LMNB1: variants seen among roughly 807,000 people sequenced by gnomAD.
LMNB1 encodes the protein lamin-B1.
A neutral mutation model predicts 67.1 loss-of-function variants in LMNB1; 23 were observed. The ratio of observed to expected loss-of-function variants is 0.34; its 90% CI spans 0.25 to 0.49. The LOEUF is 0.49. Ranked by LOEUF, LMNB1 falls within the 20% of genes least tolerant of loss-of-function variation. LMNB1 has a pLI of 0.99. For missense variants in LMNB1, 634 were observed against 746.5 expected (o/e 0.85, Z 1.76); for synonymous variants, 281 against 282.9 (o/e 0.99, Z 0.07).
Position 126,811,865 on chromosome 5 carries a change from C to G in LMNB1, c.906C>G (p.Ser302Arg), listed in dbSNP as rs764400363. The G allele has an allele frequency of 6.2e-7, 1 of 1,612,332 alleles. No homozygotes were observed. Among genetic ancestry groups the G allele is most frequent in the African/African-American group, 1.3e-5 (1 of 74,904 alleles). Residue 302 changes from serine (S) to arginine (R), a missense_variant, in exon 5 of 11, where the codon AGC (serine) becomes AGG (arginine). Transcript: ENST00000261366. Reference protein sequence around the residue: ...ELMESRMRIESLSSQLSNLQK... With the variant: ...ELMESRMRIERLSSQLSNLQK... ...TGGAAAGCCGCATGAGAATTGAGAG[C>G]CTTTCATCCCAGCTTTCTAATCTAC... is the stretch of plus-strand genomic sequence containing the variant.
At chr5:126,784,557 A>G (rs1308995439) in intron 1 of LMNB1, among the ~76,000 whole-genome samples, 3 of 147,240 alleles carry the variant, frequency 2.0e-5, no homozygotes, top group South Asian at 2.2e-4. Flanking sequence ...GGGTTTCACC[A>G]TCTTGCCCAG....
intron 1 of LMNB1, among the ~76,000 whole-genome samples, chr5:126,797,603 A>G (rs1751135328): frequency 6.6e-6 from 1 of 152,194 alleles, no homozygotes; most frequent in South Asian, 2.1e-4. Flanking sequence ...ATGTTTTAGG[A>G]TATCAGTTCT....
Position 126,777,450 on chromosome 5 carries a change from C to T in LMNB1, c.-59C>T. 7.8e-7 allele frequency: 1 copy of T among 1,277,398 alleles called. No individual in the cohort carries two copies. Among genetic ancestry groups the T allele is most frequent in the Non-Finnish European group, 9.8e-7 (1 of 1,015,568 alleles). 79.1% of individuals were successfully genotyped at this position (1,277,398 alleles called of 1,614,324 possible). ...CGGTCCCCGCTTCGCCCCCTGCCGT[C>T]CCCTCCTTATCACGGTCCCGCTCGC... On this transcript the variant is annotated 5_prime_UTR_variant, in exon 1 of 11. Transcript: ENST00000261366.
chr5:126,795,398 A>G (rs1376239158), intron 1 of LMNB1, among the ~76,000 whole-genome samples: 3 of 152,064 alleles, frequency 2.0e-5, no homozygotes. Context: ...TTGGCCTCCC[A>G]AAGTGCTAGG....
In LMNB1 at chr5:126,777,549, G is replaced by T; in HGVS notation, c.41G>T (p.Arg14Leu). 1 of 1,447,672 alleles carries T rather than the reference G, an allele frequency of 6.9e-7. No individual in the cohort carries two copies. Among genetic ancestry groups the T allele is most frequent in the Non-Finnish European group, 9.1e-7 (1 of 1,096,318 alleles). The allele number at this position is 1,447,672 out of a possible 1,614,324, so 89.7% of individuals were successfully genotyped here. The change falls in exon 1 of 11, where the codon CGC (arginine) becomes CTC (leucine). Residue 14 changes from arginine (R) to leucine (L), a missense_variant. Coordinates refer to ENST00000261366, the MANE Select transcript of LMNB1 (RefSeq NM_005573.4). ...ATPVPPRMGS[R>L]AGGPTTPLSP... is the part of the protein sequence containing the mutation. ...CCCGTGCCGCCGCGGATGGGCAGCC[G>T]CGCTGGCGGCCCCACCACGCCGCTG...
intron 1 of LMNB1, among the ~76,000 whole-genome samples, chr5:126,778,692 C>A (rs77703347): frequency 6.6e-6 from 1 of 152,110 alleles, no homozygotes; most frequent in Non-Finnish European, 1.5e-5. Context: ...GTTCTCCTAC[C>A]CCTCAGGCAG....
chr5:126,836,170 A>G, intron 10 of LMNB1, 53 bp from the exon 11 acceptor site: 1 of 1,384,812 alleles, frequency 7.2e-7, no homozygotes, highest in Non-Finnish European at 1.0e-6. Flanking sequence ...TTATTTTAGA[A>G]TACTGTGATC....
At position 126,820,671 on chromosome 5, in the gene LMNB1, G is replaced by A. The variant is rs546087708; in HGVS notation, c.1161-239G>A. On this transcript the variant is annotated intron_variant, in intron 6 of 10. Transcript: ENST00000261366. The stretch of plus-strand genomic sequence containing the variant: ...CTCCTGAGTAGCTAGTATTACAGGC[G>A]CCCACCACCACGCCTGGCTAATTTT... Among the ~76,000 whole-genome samples the A allele has an allele frequency of 3.2e-4, 49 of 151,868 alleles. No homozygotes were observed. In the South Asian group the frequency reaches 9.2e-3, roughly 28 times the overall value.
chr5:126,777,635 C>T lies in LMNB1; in HGVS notation c.127C>T (p.Leu43=), dbSNP rs927349028. ...KEELRELNDR[L]AVYIDKVRSL... ...GGAGCTGCGCGAGCTCAATGACCGGCTGGCGGTGTACATCGACAAGGTGCG... is the reference window on the plus strand; with the variant it reads ...GGAGCTGCGCGAGCTCAATGACCGGTTGGCGGTGTACATCGACAAGGTGCG... Residue 43 remains leucine, a synonymous_variant, in exon 1 of 11, where the codon CTG becomes TTG. Transcript: ENST00000261366. The T allele has an allele frequency of 2.6e-6, 4 of 1,543,122 alleles. No individual in the cohort carries two copies. Among genetic ancestry groups the T allele is most frequent in the Non-Finnish European group, 2.6e-6 (3 of 1,144,258 alleles).
At chr5:126,794,788 A>G (rs947015479) in intron 1 of LMNB1, among the ~76,000 whole-genome samples, 2 of 152,226 alleles carry the variant, frequency 1.3e-5, no homozygotes, top group African/African-American at 2.4e-5. Context: ...AGAATTTTGT[A>G]TAGAATGATT....
intron 9 of LMNB1, among the ~76,000 whole-genome samples, chr5:126,829,923 G>T (rs902921852): frequency 1.3e-5 from 2 of 152,060 alleles, no homozygotes; most frequent in African/African-American, 2.4e-5. Context: ...TAAAAACAGC[G>T]ATTGTCACCA....
chr5:126,804,464 C>A (rs1419999204), intron 1 of LMNB1, among the ~76,000 whole-genome samples: 1 of 152,008 alleles, frequency 6.6e-6, no homozygotes, highest in Non-Finnish European at 1.5e-5. Flanking sequence ...TCAAAAATAT[C>A]CTGTGTTAGT....
At chr5:126,787,546 A>ATTTTTTTTTTTTTTTTTTTTTTT (rs142332901) in intron 1 of LMNB1, among the ~76,000 whole-genome samples, 2 of 65,584 alleles carry the variant, frequency 3.0e-5, no homozygotes, top group Non-Finnish European at 5.5e-5. Context: ...ATATATATAT[A>ATTTTTTTTTTTTTTTTTTTTTTT]TTTTTTTTTT....
At chr5:126,808,947 C>G (rs1751521080) in intron 3 of LMNB1, among the ~76,000 whole-genome samples, 1 of 151,746 alleles carries the variant, frequency 6.6e-6, no homozygotes. Context: ...GCGATCTTGG[C>G]TCACTGCAAC....
At position 126,836,888 on chromosome 5, in the gene LMNB1, A is replaced by AGGG. The variant is rs1752260838; in HGVS notation, c.*625_*627dup. 1 of 29,320 alleles carries AGGG rather than the reference A, an allele frequency of 3.4e-5. No individual in the cohort carries two copies. The allele number at this position is 29,320 out of a possible 1,614,324, so 1.8% of individuals were successfully genotyped here. On this transcript the variant is annotated 3_prime_UTR_variant, in exon 11 of 11. Coordinates refer to ENST00000261366, the MANE Select transcript of LMNB1 (RefSeq NM_005573.4). Reference sequence around the variant, plus strand: ...TCTCTTAGATTCTTAATTCATGAGGAGGGTGGGGGAGGGAGGTGGAGGGAG... The same window carrying AGGG: ...TCTCTTAGATTCTTAATTCATGAGGAGGGGGGTGGGGGAGGGAGGTGGAGGGAG...
At chr5:126,822,965 G>A in intron 8 of LMNB1, 80 bp downstream of exon 8, 1 of 861,468 alleles carries the variant, frequency 1.2e-6, no homozygotes, top group Middle Eastern at 2.9e-4. Context: ...TTGGCTAAAA[G>A]AGAAGCATTT....
chr5:126,799,043 G>A (rs1399676297), intron 1 of LMNB1, among the ~76,000 whole-genome samples: 2 of 140,600 alleles, frequency 1.4e-5, no homozygotes, highest in Admixed American at 7.4e-5. Context: ...TTTTTGAGAC[G>A]GAGTCTCGCT....
chr5:126,790,436 CAGG>C (rs1350627609), intron 1 of LMNB1, among the ~76,000 whole-genome samples: 6 of 152,062 alleles, frequency 3.9e-5, no homozygotes, highest in Non-Finnish European at 5.9e-5. Flanking sequence ...GTGCAGAATG[CAGG>C]AGTTGTCAGA....
intron 6 of LMNB1, among the ~76,000 whole-genome samples, chr5:126,819,571 A>C (rs1178744011): frequency 6.6e-6 from 1 of 151,528 alleles, no homozygotes; most frequent in Non-Finnish European, 1.5e-5. Context: ...GCTCACTGCA[A>C]CCTTCACCTC....
Sources: gnomAD v4.1 joint callset for allele counts (sites outside exome capture counted in the v4.1 genomes callset) on GRCh38, gnomAD v4.1.1 for gene constraint, MANE v1.5 for transcripts, NCBI Gene and HGNC (gene_info 2026-07-23, HGNC 2026-07-21) for gene names.